Variants in ASAP1 observed in about 807,000 individuals in gnomAD.
ASAP1 encodes the protein arf-GAP with SH3 domain, ANK repeat and PH domain-containing protein 1.
ASAP1 carries 43 observed loss-of-function variants against 145.2 expected under a neutral mutation model. That is an observed-to-expected ratio of 0.30 (90% CI 0.23 to 0.38). The LOEUF (loss-of-function observed/expected upper bound fraction) is 0.38. Among genes scored for constraint, ASAP1 ranks in the 10% least tolerant of loss-of-function variants. The probability of loss-of-function intolerance (pLI) is 1.00; values close to 1 mark genes in which losing one functional copy is unlikely to be tolerated. For synonymous variants in ASAP1, 546 were observed against 515.5 expected, an observed-to-expected ratio of 1.06 and a Z score of -0.80; for missense variants, 1,018 against 1,355.3, an observed-to-expected ratio of 0.75 and a Z score of 3.91.
chr8:130,067,272 A>G (rs146534186), intron 27 of ASAP1, among the ~76,000 whole-genome samples: 1 of 152,300 alleles, frequency 6.6e-6, no homozygotes, highest in Non-Finnish European at 1.5e-5. Flanking sequence ...CTAGAGTTAG[A>G]TGAGTGGTGG....
intron 3 of ASAP1, among the ~76,000 whole-genome samples, chr8:130,349,048 C>G (rs1359222396): frequency 6.6e-6 from 1 of 152,210 alleles, no homozygotes. Context: ...AATGAGGTTG[C>G]ACTGGTAGAG....
At chr8:130,283,472 C>T (rs953866212) in intron 3 of ASAP1, among the ~76,000 whole-genome samples, 1 of 151,248 alleles carries the variant, frequency 6.6e-6, no homozygotes, top group Non-Finnish European at 1.5e-5. Context: ...CCCAGCTACT[C>T]AGGAGGCTGA....
chr8:130,134,988 G>A (rs2097591151), intron 14 of ASAP1, among the ~76,000 whole-genome samples: 1 of 152,198 alleles, frequency 6.6e-6, no homozygotes, highest in Non-Finnish European at 1.5e-5. Context: ...GTTGCAGGAA[G>A]AAAGGCTCAA....
At chr8:130,302,408 G>A (rs1276457149) in intron 3 of ASAP1, among the ~76,000 whole-genome samples, 3 of 152,190 alleles carry the variant, frequency 2.0e-5, no homozygotes, top group African/African-American at 7.2e-5. Flanking sequence ...AAGGCAGAAA[G>A]AGATGAGAGA....
intron 3 of ASAP1, among the ~76,000 whole-genome samples, chr8:130,320,237 T>C (rs943181690): frequency 1.3e-5 from 2 of 152,232 alleles, no homozygotes; most frequent in African/African-American, 2.4e-5. Context: ...ATATATGTCA[T>C]GTGCCTCCAG....
chr8:130,237,383 C>T (rs117686316), intron 3 of ASAP1, among the ~76,000 whole-genome samples: 1 of 152,158 alleles, frequency 6.6e-6, no homozygotes, highest in Non-Finnish European at 1.5e-5. Context: ...CAACAGGACA[C>T]ACTTTATCAC....
At chr8:130,301,457 T>C (rs62525930) in intron 3 of ASAP1, among the ~76,000 whole-genome samples, 8,481 of 152,334 alleles carry the variant, frequency 0.056, 327 homozygotes, top group Non-Finnish European at 0.082. Context: ...CTGTAGCATG[T>C]TGTGTTCTCT....
chr8:130,167,254 C>A (rs760957811), intron 11 of ASAP1, among the ~76,000 whole-genome samples: 11 of 151,842 alleles, frequency 7.2e-5, no homozygotes, highest in Non-Finnish European at 1.6e-4. Context: ...AGTGTGCCTG[C>A]CGCCTCACTC....
At chr8:130,330,616 C>G (rs1460561924) in intron 3 of ASAP1, among the ~76,000 whole-genome samples, 2 of 152,224 alleles carry the variant, frequency 1.3e-5, no homozygotes, top group South Asian at 2.1e-4. Context: ...TCATGTGAGG[C>G]CTTCATGAGC....
intron 18 of ASAP1, among the ~76,000 whole-genome samples, chr8:130,119,003 T>C (rs1260245300): frequency 6.6e-6 from 1 of 152,196 alleles, no homozygotes; most frequent in Non-Finnish European, 1.5e-5. Flanking sequence ...TATGAATAAA[T>C]TTAAAAATTT....
chr8:130,299,232 T>G (rs1333222600), intron 3 of ASAP1, among the ~76,000 whole-genome samples: 1 of 152,186 alleles, frequency 6.6e-6, no homozygotes, highest in Non-Finnish European at 1.5e-5. Context: ...AGCTGTGCCC[T>G]GTGCTTTGTG....
intron 4 of ASAP1, among the ~76,000 whole-genome samples, chr8:130,228,298 C>T (rs1817702284): frequency 6.6e-6 from 1 of 152,162 alleles, no homozygotes; most frequent in Non-Finnish European, 1.5e-5. Context: ...GGCTTCTCCA[C>T]TTCAGAACTC....
At chr8:130,146,112 T>C (rs1323458831) in intron 13 of ASAP1, among the ~76,000 whole-genome samples, 1 of 151,042 alleles carries the variant, frequency 6.6e-6, no homozygotes, top group African/African-American at 2.4e-5. Context: ...AAGTGCTGGG[T>C]TTACAGGTGA....
chr8:130,436,017 TA>T (rs1565314251), intron 1 of ASAP1, among the ~76,000 whole-genome samples: 1 of 152,260 alleles, frequency 6.6e-6, no homozygotes, highest in African/African-American at 2.4e-5. Context: ...CATGAGCCAC[TA>T]AGCCCCCAAA....
chr8:130,287,845 T>C (rs1821711975), intron 3 of ASAP1, among the ~76,000 whole-genome samples: 2 of 152,294 alleles, frequency 1.3e-5, no homozygotes, highest in East Asian at 3.9e-4. Flanking sequence ...CCCTTCCCAC[T>C]CAGTCTAGCA....
intron 3 of ASAP1, among the ~76,000 whole-genome samples, chr8:130,277,422 G>T (rs528517619): frequency 6.6e-6 from 1 of 152,266 alleles, no homozygotes; most frequent in East Asian, 1.9e-4. Context: ...TGAGAGGAAA[G>T]AACCAGAAAG....
chr8:130,167,067 G>C (rs894536856), intron 11 of ASAP1, among the ~76,000 whole-genome samples: 1 of 152,190 alleles, frequency 6.6e-6, no homozygotes, highest in African/African-American at 2.4e-5. Flanking sequence ...ATTTTGGGAG[G>C]CCGAGGTGGG....
At chr8:130,282,682 C>T (rs1267307841) in intron 3 of ASAP1, among the ~76,000 whole-genome samples, 3 of 152,162 alleles carry the variant, frequency 2.0e-5, no homozygotes, top group Non-Finnish European at 4.4e-5. Flanking sequence ...AACAAAGTAT[C>T]CACATTATTG....
chr8:130,170,706 A>G (rs1334782975), intron 9 of ASAP1, among the ~76,000 whole-genome samples: 1 of 152,126 alleles, frequency 6.6e-6, no homozygotes, highest in Non-Finnish European at 1.5e-5. Flanking sequence ...TTAACTGAAA[A>G]ATACATGAAC....
Sources: allele counts gnomAD v4.1 joint callset (sites outside exome capture counted in the v4.1 genomes callset), GRCh38; gene constraint gnomAD v4.1.1; transcripts MANE v1.5; gene names NCBI Gene and HGNC (gene_info 2026-07-23, HGNC 2026-07-21).